The following MLIP variants were observed in gnomAD, a reference collection of about 807,000 sequenced individuals.
The protein encoded by MLIP is muscular LMNA-interacting protein.
A neutral mutation model predicts 84.8 loss-of-function variants in MLIP; 79 were observed. The ratio of observed to expected loss-of-function variants is 0.93; its 90% confidence interval spans 0.78 to 1.12. The LOEUF (loss-of-function observed/expected upper bound fraction) is 1.12, where lower values mean the gene tolerates loss of function less well. MLIP is among the 50% of genes most tolerant of loss of function. MLIP has a pLI of 0.00. For synonymous variants in MLIP, 504 were observed against 463.0 expected (o/e 1.09, Z -1.14); for missense variants, 1,257 against 1,160.6 (o/e 1.08, Z -1.21).
intron 11 of MLIP, among the ~76,000 whole-genome samples, chr6:54,227,319 G>A (rs1251799321): frequency 6.6e-6 from 1 of 151,940 alleles, no homozygotes; most frequent in Non-Finnish European, 1.5e-5. Context: ...TTATACAGAG[G>A]ACAAATTAAC....
rs142081845 is a variant in MLIP at position 54,196,774 on chromosome 6, C to T, written c.2590-5331C>T. Among the ~76,000 whole-genome samples, 6 of 152,034 alleles carry T rather than the reference C, an allele frequency of 3.9e-5. No individual in the cohort carries two copies. In the East Asian group the frequency reaches 5.8e-4, roughly 15 times the overall value. On this transcript the variant is annotated intron_variant, in intron 10 of 13. Coordinates refer to ENST00000502396, the MANE Select transcript of MLIP (RefSeq NM_001281747.2). ...GTTGGAGATACAAGAGTGAATAAAC[C>T]GAAGATCTCTGGTTTCACAGAACTT...
At chr6:54,117,475 A>G (rs1444370098) in intron 1 of MLIP, among the ~76,000 whole-genome samples, 9 of 151,010 alleles carry the variant, frequency 6.0e-5, no homozygotes, top group African/African-American at 2.2e-4. Flanking sequence ...CAGCCTCCCA[A>G]AGTGCTGGGA....
At chr6:54,075,070 A>G (rs900551380) in intron 1 of MLIP, among the ~76,000 whole-genome samples, 16 of 152,078 alleles carry the variant, frequency 1.1e-4, no homozygotes, top group Admixed American at 3.3e-4. Flanking sequence ...CAACATGGAG[A>G]AACCCCAGCT....
At chr6:54,146,618 A>G (rs1772866999) in intron 4 of MLIP, among the ~76,000 whole-genome samples, 1 of 152,210 alleles carries the variant, frequency 6.6e-6, no homozygotes, top group South Asian at 2.1e-4. Flanking sequence ...CTTGGGAGGC[A>G]AGCAAGTGTT....
At chr6:54,180,962 G>A in intron 9 of MLIP, among the ~76,000 whole-genome samples, 1 of 152,072 alleles carries the variant, frequency 6.6e-6, no homozygotes, top group East Asian at 1.9e-4. Flanking sequence ...GACAGTCTGG[G>A]CTTGCTTATG....
At chr6:54,058,755 T>G (rs1765800625) in intron 1 of MLIP, among the ~76,000 whole-genome samples, 1 of 152,188 alleles carries the variant, frequency 6.6e-6, no homozygotes, top group Admixed American at 6.5e-5. Context: ...AAAAAATTGT[T>G]AGTGACATTG....
chr6:54,116,897 G>A (rs183385549), intron 1 of MLIP, among the ~76,000 whole-genome samples: 12 of 152,260 alleles, frequency 7.9e-5, no homozygotes, highest in Admixed American at 2.0e-4. Flanking sequence ...TATTTACCAA[G>A]ATCAAGTGGG....
intron 1 of MLIP, among the ~76,000 whole-genome samples, chr6:54,118,598 G>C (rs980576117): frequency 2.6e-5 from 4 of 152,106 alleles, no homozygotes; most frequent in African/African-American, 9.7e-5. Context: ...CTATGACATT[G>C]GTCTGTGCAA....
chr6:54,173,166 T>A lies in MLIP; in HGVS notation c.2544+3594T>A, dbSNP rs111971836. Among the ~76,000 whole-genome samples the A allele has an allele frequency of 4.9e-4, 74 of 151,744 alleles. 1 individual carries two copies. The highest frequency in any genetic ancestry group is 1.8e-3 in the African/African-American group (73 of 41,470). ...TGAGGTGGGTATTCTTATTTTAAAA[T>A]CTCCATTATACAGAGTGGGAAAACA... is the stretch of plus-strand genomic sequence containing the variant. On this transcript the variant is annotated intron_variant, in intron 9 of 13. Transcript: ENST00000502396.
At chr6:54,087,895 CT>C (rs980125109) in intron 1 of MLIP, among the ~76,000 whole-genome samples, 2 of 151,282 alleles carry the variant, frequency 1.3e-5, no homozygotes, top group African/African-American at 4.9e-5. Context: ...AGCGATCAGG[CT>C]TTCTGAAGAG....
chr6:54,208,440 G>C (rs1297458848), intron 11 of MLIP, among the ~76,000 whole-genome samples: 1 of 152,014 alleles, frequency 6.6e-6, no homozygotes, highest in African/African-American at 2.4e-5. Context: ...TTAAAAATCA[G>C]CCAGGTGTGG....
At chr6:54,257,803 C>A (rs990945599) in intron 13 of MLIP, among the ~76,000 whole-genome samples, 3 of 152,036 alleles carry the variant, frequency 2.0e-5, no homozygotes, top group Non-Finnish European at 4.4e-5. Context: ...CACCCCCAAC[C>A]CCACCTTCCC....
chr6:54,182,801 A>T (rs565361327), intron 9 of MLIP, among the ~76,000 whole-genome samples: 2 of 152,206 alleles, frequency 1.3e-5, no homozygotes, highest in African/African-American at 4.8e-5. Context: ...AACCTCTGAA[A>T]ATAGGGTAGT....
In MLIP at chr6:54,169,538, C is replaced by G. The variant is rs147121080; in HGVS notation, c.2510C>G (p.Thr837Ser). ...TTTATTTTCATACAGACTCCTACAA[C>G]TCTTCCAAGAGCAGCTGGTCGAGAA... The part of the protein sequence containing the change: ...LGSDTVKTPT[T>S]LPRAAGRETK... Residue 837 changes from threonine (T) to serine (S), a missense_variant, in exon 9 of 14, where the codon ACT (threonine) becomes AGT (serine). Coordinates refer to ENST00000502396, the MANE Select transcript of MLIP (RefSeq NM_001281747.2). 1 of 1,591,622 alleles carries G rather than the reference C, an allele frequency of 6.3e-7. No homozygotes were observed. The highest frequency in any genetic ancestry group is 1.4e-5 in the African/African-American group (1 of 73,812).
intron 11 of MLIP, chr6:54,215,262 G>A (rs1412121889): frequency 4.7e-6 from 7 of 1,487,822 alleles, no homozygotes; most frequent in Non-Finnish European, 6.2e-6. Context: ...CCTACTTCCT[G>A]AAAAAGAGAA....
At chr6:54,054,830 C>A (rs1185684931) in intron 1 of MLIP, among the ~76,000 whole-genome samples, 1 of 152,112 alleles carries the variant, frequency 6.6e-6, no homozygotes, top group Non-Finnish European at 1.5e-5. Flanking sequence ...CCTCTCCTAA[C>A]GCAGAAGTAA....
chr6:54,197,997 G>T (rs1778416174), intron 10 of MLIP, among the ~76,000 whole-genome samples: 1 of 152,070 alleles, frequency 6.6e-6, no homozygotes, highest in Admixed American at 6.6e-5. Flanking sequence ...AATTAATAAA[G>T]CATAGTCTGT....
chr6:54,120,297 C>T (rs1033398948), intron 1 of MLIP, among the ~76,000 whole-genome samples: 2 of 151,922 alleles, frequency 1.3e-5, no homozygotes, highest in South Asian at 4.2e-4. Context: ...TGCAGTGGCA[C>T]GATCTCGGCT....
At chr6:54,255,616 T>C (rs1045821527) in intron 12 of MLIP, among the ~76,000 whole-genome samples, 1 of 152,130 alleles carries the variant, frequency 6.6e-6, no homozygotes, top group Non-Finnish European at 1.5e-5. Flanking sequence ...CTTTCATTGA[T>C]TAGGATAATC....
Sources: allele counts gnomAD v4.1 joint callset (sites outside exome capture counted in the v4.1 genomes callset), GRCh38; gene constraint gnomAD v4.1.1; transcripts MANE v1.5; gene names NCBI Gene and HGNC (gene_info 2026-07-23, HGNC 2026-07-21).